Variants in ROBO2 observed in about 807,000 individuals in gnomAD.
The protein encoded by ROBO2 is roundabout homolog 2.
In ROBO2, 53 loss-of-function variants were observed where a neutral mutation model predicts 160.8. That is an observed-to-expected ratio of 0.33 (90% CI 0.26 to 0.41). The LOEUF (loss-of-function observed/expected upper bound fraction) is 0.41, where lower values mean the gene tolerates loss of function less well. ROBO2 is among the 10% of genes least tolerant of loss of function. ROBO2 has a pLI of 1.00. For synonymous variants in ROBO2, 664 were observed against 611.7 expected (o/e 1.09, Z -1.26); for missense variants, 1,577 against 1,722.4 (o/e 0.92, Z 1.49).
intron 2 of ROBO2, among the ~76,000 whole-genome samples, chr3:76,132,406 GGGA>G (rs1314787882): frequency 1.6e-5 from 2 of 124,634 alleles, no homozygotes; most frequent in African/African-American, 5.5e-5. Context: ...GGGGGGGGGG[GGGA>G]CGCAGATGTT....
intron 2 of ROBO2, among the ~76,000 whole-genome samples, chr3:76,816,734 G>A (rs1392767801): frequency 3.9e-5 from 6 of 151,908 alleles, no homozygotes; most frequent in African/African-American, 1.5e-4. Context: ...ATACACAAAG[G>A]ATTATAAATC....
At chr3:76,138,560 A>T (rs888205365) in intron 2 of ROBO2, among the ~76,000 whole-genome samples, 1 of 151,954 alleles carries the variant, frequency 6.6e-6, no homozygotes, top group Non-Finnish European at 1.5e-5. Context: ...AGACCTAAGC[A>T]CCTCTTTTAA....
At chr3:77,249,595 A>AT (rs1414692180) in intron 2 of ROBO2, among the ~76,000 whole-genome samples, 1 of 149,572 alleles carries the variant, frequency 6.7e-6, no homozygotes, top group Non-Finnish European at 1.5e-5. Context: ...TTAAAATGAG[A>AT]TATTGACTCA....
chr3:75,993,760 C>T (rs767826128), intron 2 of ROBO2, among the ~76,000 whole-genome samples: 27 of 152,144 alleles, frequency 1.8e-4, no homozygotes, highest in Non-Finnish European at 3.2e-4. Flanking sequence ...TGAAGCACCT[C>T]ATGACAATGA....
chr3:77,110,270 GA>G (rs2073394623), intron 2 of ROBO2, among the ~76,000 whole-genome samples: 1 of 152,036 alleles, frequency 6.6e-6, no homozygotes, highest in African/African-American at 2.4e-5. Flanking sequence ...TATAGAAAAA[GA>G]AATATGATAA....
intron 2 of ROBO2, among the ~76,000 whole-genome samples, chr3:76,252,444 T>A (rs946491521): frequency 2.0e-5 from 3 of 152,170 alleles, no homozygotes; most frequent in African/African-American, 7.2e-5. Context: ...ATTAAAACTA[T>A]TAGGGTGGTT....
At chr3:76,968,689 T>C (rs6548468) in intron 2 of ROBO2, among the ~76,000 whole-genome samples, 118,325 of 152,092 alleles carry the variant, frequency 0.78, 46,204 homozygotes, top group East Asian at 0.91. Context: ...ATTTGAGGCT[T>C]GTAGGCTATT....
intron 2 of ROBO2, among the ~76,000 whole-genome samples, chr3:77,476,368 A>ATGTGTGTG (rs60219148): frequency 9.7e-5 from 14 of 144,116 alleles, no homozygotes; most frequent in African/African-American, 2.8e-4. Context: ...GTCTGTGGGT[A>ATGTGTGTG]TGTGTGTGTG....
intron 2 of ROBO2, among the ~76,000 whole-genome samples, chr3:75,946,694 T>C (rs1200449754): frequency 2.0e-5 from 3 of 152,078 alleles, no homozygotes; most frequent in Non-Finnish European, 2.9e-5. Flanking sequence ...GATATAAAAA[T>C]TCTGTAATTT....
intron 4 of ROBO2, among the ~76,000 whole-genome samples, chr3:77,490,009 C>T (rs551294591): frequency 2.0e-5 from 3 of 152,054 alleles, no homozygotes; most frequent in Admixed American, 1.3e-4. Context: ...GGTTCTTCTT[C>T]AGGGCTCATA....
chr3:76,518,929 C>T (rs190179320), intron 2 of ROBO2, among the ~76,000 whole-genome samples: 6 of 152,156 alleles, frequency 3.9e-5, no homozygotes, highest in South Asian at 2.1e-4. Flanking sequence ...AGGAGAAAGA[C>T]GTACAAACTC....
intron 1 of ROBO2, among the ~76,000 whole-genome samples, chr3:77,051,058 C>A (rs919312105): frequency 1.3e-5 from 2 of 151,856 alleles, no homozygotes; most frequent in African/African-American, 2.4e-5. Context: ...CATATGAGCC[C>A]TGAACTCACA....
rs1300354361 is a variant in ROBO2, at chr3:76,995,917, TG to T, written c.110-102095del. Among the ~76,000 whole-genome samples the T allele has an allele frequency of 3.3e-5, 5 of 152,296 alleles. No homozygotes were observed. In the East Asian group the frequency reaches 9.7e-4, roughly 29 times the overall value. On this transcript the variant is annotated intron_variant, in intron 2 of 26. Coordinates refer to the ROBO2 transcript ENST00000487694. ...TCTGTAGGTTGCCTGTTCACTCTGA[TG>T]GTAGTTTCTTTTGCTGTGCAGAAGC...
At chr3:76,041,803 C>T (rs998281221) in intron 2 of ROBO2, among the ~76,000 whole-genome samples, 5 of 151,910 alleles carry the variant, frequency 3.3e-5, no homozygotes, top group African/African-American at 1.2e-4. Context: ...TTGATCCCTA[C>T]ATTTTTGGCT....
rs536595047 is a variant in ROBO2, at chr3:76,256,301, C to A, written c.109+318699C>A. Among the ~76,000 whole-genome samples, 8 of 18,774 alleles carry A rather than the reference C, an allele frequency of 4.3e-4. No individual in the cohort carries two copies. In the African/African-American group the frequency reaches 5.4e-3, roughly 13 times the overall value. The allele number at this position is 18,774 out of a possible 152,430, so 12.3% of individuals were successfully genotyped here. On this transcript the variant is annotated intron_variant, in intron 2 of 26. Transcript: ENST00000487694. The stretch of plus-strand genomic sequence containing the variant: ...CTGCAGCCTGGGTGACAGAGTGAGT[C>A]TCTCTCTCTCTCTCTCTCTCTCTCT...
chr3:76,848,541 G>T (rs1207827689), intron 2 of ROBO2, among the ~76,000 whole-genome samples: 1 of 152,258 alleles, frequency 6.6e-6, no homozygotes, highest in East Asian at 1.9e-4. Context: ...GTCTGTTTAA[G>T]CTGCCATAAC....
intron 2 of ROBO2, among the ~76,000 whole-genome samples, chr3:76,792,517 A>T (rs1377546980): frequency 6.6e-6 from 1 of 151,708 alleles, no homozygotes; most frequent in Non-Finnish European, 1.5e-5. Context: ...CACCTCCATT[A>T]TCATTTTCTG....
chr3:76,578,864 C>T (rs964235035), intron 2 of ROBO2, among the ~76,000 whole-genome samples: 1 of 152,146 alleles, frequency 6.6e-6, no homozygotes, highest in African/African-American at 2.4e-5. Flanking sequence ...AATCCTTTCG[C>T]CCAAACCTAC....
At chr3:76,087,124 C>T (rs1480622921) in intron 2 of ROBO2, among the ~76,000 whole-genome samples, 1 of 151,576 alleles carries the variant, frequency 6.6e-6, no homozygotes, top group Admixed American at 6.6e-5. Context: ...CAGAATTTCT[C>T]CCAAATTAAT....
Sources: allele counts gnomAD v4.1 joint callset (sites outside exome capture counted in the v4.1 genomes callset), GRCh38; gene constraint gnomAD v4.1.1; transcripts MANE v1.5; gene names NCBI Gene and HGNC (gene_info 2026-07-23, HGNC 2026-07-21).